The following RYR2 variants were observed in gnomAD, a reference collection of about 807,000 sequenced individuals.
RYR2 encodes ryanodine receptor 2.
In RYR2, 227 loss-of-function variants were observed where a neutral mutation model predicts 601.1. That is an observed-to-expected ratio of 0.38 (90% CI 0.34 to 0.42). RYR2 has a LOEUF of 0.42. Among genes scored for constraint, RYR2 ranks in the 10% least tolerant of loss-of-function variants. The pLI is 1.00. For synonymous variants in RYR2, 2,223 were observed against 2,175.1 expected (o/e 1.02, Z -0.61); for missense variants, 4,646 against 6,156.5 (o/e 0.75, Z 8.21).
chr1:237,766,946 G>A (rs1347941263), intron 84 of RYR2, among the ~76,000 whole-genome samples: 1 of 152,154 alleles, frequency 6.6e-6, no homozygotes, highest in Non-Finnish European at 1.5e-5. Context: ...ACAAACAACT[G>A]TCATACAACC....
At chr1:237,363,794 A>G (rs187523642) in intron 4 of RYR2, among the ~76,000 whole-genome samples, 361 of 152,302 alleles carry the variant, frequency 2.4e-3, no homozygotes, top group Non-Finnish European at 3.9e-3. Context: ...TAAGAGAAAA[A>G]GAAATGTTTT....
intron 1 of RYR2, among the ~76,000 whole-genome samples, chr1:237,136,494 T>C (rs986022088): frequency 2.6e-5 from 4 of 152,076 alleles, no homozygotes; most frequent in African/African-American, 9.7e-5. Flanking sequence ...CCAACCAGCA[T>C]GTGAAGAACA....
rs1481363942 is a variant in RYR2, at chr1:237,648,476, G to A, written c.7375G>A (p.Gly2459Arg). ...TGTGGTGGAACCTGACATGTCTGCG[G>A]GGTTTTGCCCAGATCACAAGGCAGC... ...GNVVEPDMSAGFCPDHKAAMV... is the reference protein window; with the variant it reads ...GNVVEPDMSARFCPDHKAAMV... Residue 2459 changes from glycine to arginine, a missense_variant, in exon 49 of 105, where the codon GGG becomes AGG. Around this residue, in one of 17 missense-constraint regions of RYR2, gnomAD observed 1,497 missense variants for 1,842.6 expected, o/e 0.81. Coordinates refer to ENST00000366574, the MANE Select transcript of RYR2 (RefSeq NM_001035.3). 7 of 1,610,090 alleles carry A rather than the reference G, an allele frequency of 4.3e-6. No individual in the cohort carries two copies. The highest frequency in any genetic ancestry group is 5.9e-6 in the Non-Finnish European group (7 of 1,178,208).
In RYR2 at chr1:237,511,673, C is replaced by G. The variant is rs1016329560; in HGVS notation, c.2719-15C>G. The G allele has an allele frequency of 6.5e-7, 1 of 1,543,596 alleles. No individual in the cohort carries two copies. The highest frequency in any genetic ancestry group is 8.8e-7 in the Non-Finnish European group (1 of 1,137,770). On this transcript the variant is annotated splice_polypyrimidine_tract_variant and intron_variant, in intron 23 of 104. Transcript: ENST00000366574. ...ATTGGAGACTATTTTATGTCAATTT[C>G]CTGTCCTGTTTCAGGTTAGAGATGA...
rs534037889 is a variant in RYR2 at position 237,242,770 on chromosome 1, G to A, written c.49-27727G>A. 6.6e-5 allele frequency among the ~76,000 whole-genome samples: 10 copies of A among 152,298 alleles called. No homozygotes were observed. The East Asian group carries it at 1.9e-3, about 29-fold the overall frequency. On this transcript the variant is annotated intron_variant, in intron 1 of 104. Coordinates refer to ENST00000366574, the MANE Select transcript of RYR2 (RefSeq NM_001035.3). ...TTTAGGCTTACAGCTCTGTGAATTGGAATTTGAAAGTTGTCAATGCTGTGT... is the reference window on the plus strand; with the variant it reads ...TTTAGGCTTACAGCTCTGTGAATTGAAATTTGAAAGTTGTCAATGCTGTGT...
chr1:237,134,386 G>T (rs112875684), intron 1 of RYR2, among the ~76,000 whole-genome samples: 5,399 of 152,208 alleles, frequency 0.035, 334 homozygotes, highest in African/African-American at 0.12. Flanking sequence ...ACAGTTCCAC[G>T]TGGCTGGGGA....
rs200035570 is a variant in RYR2, at chr1:237,674,908, C to G, written c.8830+62C>G. ...TTGTTGTTTTTAATGTTTACAACAT[C>G]AGGATATAGAACAACACAGGCTGCT... is the stretch of plus-strand genomic sequence containing the variant. On this transcript the variant is annotated intron_variant, in intron 60 of 104. Transcript: ENST00000366574. 3.6e-4 allele frequency: 327 copies of G among 904,460 alleles called. No homozygotes were observed. In the South Asian group the frequency reaches 4.6e-3, roughly 13 times the overall value. The allele number at this position is 904,460 out of a possible 1,614,324, so 56.0% of individuals were successfully genotyped here.
intron 17 of RYR2, among the ~76,000 whole-genome samples, chr1:237,487,242 T>C (rs1273781275): frequency 6.6e-6 from 1 of 152,174 alleles, no homozygotes; most frequent in Non-Finnish European, 1.5e-5. Context: ...TTTCTCTGCA[T>C]CATTTTTCAT....
chr1:237,524,050 C>T (rs780332682), intron 24 of RYR2, among the ~76,000 whole-genome samples: 1 of 152,166 alleles, frequency 6.6e-6, no homozygotes, highest in Non-Finnish European at 1.5e-5. Context: ...AGCAATTCTA[C>T]TCCTATGTAT....
intron 2 of RYR2, among the ~76,000 whole-genome samples, chr1:237,272,636 T>G (rs748002682): frequency 4.0e-5 from 6 of 149,484 alleles, no homozygotes; most frequent in Non-Finnish European, 7.4e-5. Context: ...GTATATATTG[T>G]TTTATATATA....
chr1:237,801,749 G>C, intron 97 of RYR2, 107 bp from the exon 98 acceptor site: 1 of 586,172 alleles, frequency 1.7e-6, no homozygotes, highest in East Asian at 2.8e-5. Context: ...TCCCAAGAAG[G>C]TGTCCAAGTC....
intron 1 of RYR2, among the ~76,000 whole-genome samples, chr1:237,215,671 T>A (rs1683075515): frequency 6.6e-6 from 1 of 152,148 alleles, no homozygotes; most frequent in Non-Finnish European, 1.5e-5. Flanking sequence ...AACTTAGGAA[T>A]TATATAGGAT....
intron 23 of RYR2, among the ~76,000 whole-genome samples, chr1:237,508,432 C>T (rs1227408641): frequency 6.7e-6 from 1 of 148,966 alleles, no homozygotes; most frequent in Non-Finnish European, 1.5e-5. Flanking sequence ...GATTAGAGGC[C>T]AGGAAGATTT....
At chr1:237,431,485 T>C (rs1471806477) in intron 12 of RYR2, among the ~76,000 whole-genome samples, 2 of 152,156 alleles carry the variant, frequency 1.3e-5, no homozygotes, top group African/African-American at 4.8e-5. Context: ...AATTTTTATT[T>C]AATAACATAT....
rs549063977 is a variant in RYR2 at position 237,368,165 on chromosome 1, T to A, written c.310-1369T>A. 1.5e-4 allele frequency among the ~76,000 whole-genome samples: 23 copies of A among 152,300 alleles called. 1 individual carries two copies. Among genetic ancestry groups the A allele is most frequent in the Admixed American group, 2.6e-4 (4 of 15,306 alleles). On this transcript the variant is annotated intron_variant, in intron 5 of 104. Transcript: ENST00000366574. ...CTGAGTATAAATGGGGCTGTGCAATTCAAACCTGTGTCGTTAAAGAGTCAC... is the reference window on the plus strand; with the variant it reads ...CTGAGTATAAATGGGGCTGTGCAATACAAACCTGTGTCGTTAAAGAGTCAC...
chr1:237,766,779 C>T (rs542977913), intron 84 of RYR2, among the ~76,000 whole-genome samples: 1 of 152,266 alleles, frequency 6.6e-6, no homozygotes, highest in African/African-American at 2.4e-5. Flanking sequence ...AAGAAGTTAA[C>T]AGAATGTACT....
intron 1 of RYR2, among the ~76,000 whole-genome samples, chr1:237,096,718 G>T (rs1315554530): frequency 6.6e-6 from 1 of 152,152 alleles, no homozygotes; most frequent in Non-Finnish European, 1.5e-5. Context: ...AGGCTGCTCA[G>T]ATTTTACCAC....
At chr1:237,390,514 T>G (rs1274443271) in intron 10 of RYR2, among the ~76,000 whole-genome samples, 1 of 147,420 alleles carries the variant, frequency 6.8e-6, no homozygotes, top group East Asian at 1.9e-4. Context: ...ACATTTATTG[T>G]TATTATTTAG....
chr1:237,447,114 T>C (rs1023935390), intron 14 of RYR2, among the ~76,000 whole-genome samples: 11 of 152,208 alleles, frequency 7.2e-5, no homozygotes, highest in Non-Finnish European at 1.3e-4. Flanking sequence ...TGAGGGACTT[T>C]TTAAAATTCA....
Sources: allele counts gnomAD v4.1 joint callset (sites outside exome capture counted in the v4.1 genomes callset), GRCh38; gene constraint gnomAD v4.1.1; regional missense constraint gnomAD v4.1.1; transcripts MANE v1.5; gene names NCBI Gene and HGNC (gene_info 2026-07-23, HGNC 2026-07-21).